MINAR2: variants seen among roughly 807,000 people sequenced by gnomAD.
MINAR2 encodes major intrinsically disordered NOTCH2-binding receptor 1-like.
MINAR2 carries 21 observed loss-of-function variants against 16.1 expected under a neutral mutation model. The ratio of observed to expected loss-of-function variants is 1.31; its 90% CI spans 0.93 to 1.88. The LOEUF (loss-of-function observed/expected upper bound fraction) is 1.88, where lower values mean the gene tolerates loss of function less well. Ranked by LOEUF, MINAR2 falls within the 40% of genes most tolerant of loss-of-function variation. The pLI, the probability that MINAR2 is intolerant of heterozygous loss-of-function variation, is 0.00. For synonymous variants in MINAR2, 86 were observed against 83.0 expected (o/e 1.04, Z -0.20); for missense variants, 259 against 229.8 (o/e 1.13, Z -0.82).
chr5:129,757,741 A>G (rs1349400079), intron 1 of MINAR2, among the ~76,000 whole-genome samples: 1 of 151,884 alleles, frequency 6.6e-6, no homozygotes, highest in African/African-American at 2.4e-5. Flanking sequence ...TGTGTGTTAA[A>G]CTTACTATAC....
At chr5:129,759,686 A>G (rs1369531209) in intron 1 of MINAR2, among the ~76,000 whole-genome samples, 1 of 152,088 alleles carries the variant, frequency 6.6e-6, no homozygotes, top group African/African-American at 2.4e-5. Flanking sequence ...TACTAATGTC[A>G]TATTTCTAGG....
At chr5:129,753,822 A>G (rs1158864834) in intron 1 of MINAR2, among the ~76,000 whole-genome samples, 1 of 147,790 alleles carries the variant, frequency 6.8e-6, no homozygotes, top group Non-Finnish European at 1.5e-5. Context: ...AGGAAGGAGA[A>G]GAAGAAAAAG....
intron 1 of MINAR2, among the ~76,000 whole-genome samples, chr5:129,758,225 T>G (rs1307468240): frequency 6.6e-6 from 1 of 152,046 alleles, no homozygotes; most frequent in Non-Finnish European, 1.5e-5. Flanking sequence ...AGTTTTCCTC[T>G]GGTAAATGTA....
chr5:129,749,997 T>G (rs1404251380), intron 1 of MINAR2, among the ~76,000 whole-genome samples: 1 of 152,216 alleles, frequency 6.6e-6, no homozygotes. Context: ...TTGATTTAGG[T>G]ATCCTTTTAG....
At chr5:129,748,514 C>T (rs1427327151) in intron 1 of MINAR2, among the ~76,000 whole-genome samples, 159 bp downstream of exon 1, 1 of 152,280 alleles carries the variant, frequency 6.6e-6, no homozygotes, top group African/African-American at 2.4e-5. Flanking sequence ...ACATTAGGAA[C>T]TTTTCTTTAA....
At chr5:129,753,057 C>T (rs538268524) in intron 1 of MINAR2, among the ~76,000 whole-genome samples, 3 of 152,184 alleles carry the variant, frequency 2.0e-5, no homozygotes, top group East Asian at 1.9e-4. Context: ...TCTTTTTTCC[C>T]ATAAATTTCA....
Position 129,764,792 on chromosome 5 carries a change from C to A in MINAR2, c.394-92C>A, listed in dbSNP as rs1758187324. 3 of 635,438 alleles carry A rather than the reference C, an allele frequency of 4.7e-6. No individual in the cohort carries two copies. The East Asian group carries it at 1.0e-4, about 21-fold the overall frequency. 39.4% of individuals were successfully genotyped at this position (635,438 alleles called of 1,614,324 possible). ...GACAGAGTGAATATGGACCATCAGT[C>A]CCCATGACAGTGTCTTGTTCTGCAA... On this transcript the variant is annotated intron_variant, in intron 2 of 2. Transcript: ENST00000564719.
At chr5:129,750,046 G>A (rs1039904228) in intron 1 of MINAR2, among the ~76,000 whole-genome samples, 11 of 152,178 alleles carry the variant, frequency 7.2e-5, no homozygotes, top group African/African-American at 2.7e-4. Flanking sequence ...GAAGGCCAGT[G>A]TACTAATTGG....
rs1037357918 is a variant in MINAR2, at chr5:129,766,677, A to G, written c.*1614A>G. 2 of 149,486 alleles carry G rather than the reference A, an allele frequency of 1.3e-5. No homozygotes were observed. The highest frequency in any genetic ancestry group is 3.9e-4 in the East Asian group (2 of 5,088). The allele number at this position is 149,486 out of a possible 1,614,324, so 9.3% of individuals were successfully genotyped here. A position where few individuals can be genotyped will look rare whatever the true frequency, so the allele number is the denominator to read the frequency against. On this transcript the variant is annotated 3_prime_UTR_variant, in exon 3 of 3. Coordinates refer to ENST00000564719, the MANE Select transcript of MINAR2 (RefSeq NM_001257308.2). ...AAAAACAAACAAACAAACAAAAAAA[A>G]CCCCAAAAAAAGAGACAGTTTTACT...
chr5:129,760,641 A>G, intron 2 of MINAR2, 36 bp downstream of exon 2: 1 of 1,402,072 alleles, frequency 7.1e-7, no homozygotes, highest in East Asian at 2.5e-5. Context: ...TTCAACTGAT[A>G]AGGGAGATCA....
At chr5:129,751,425 C>T (rs1386104745) in intron 1 of MINAR2, among the ~76,000 whole-genome samples, 6 of 151,920 alleles carry the variant, frequency 3.9e-5, no homozygotes, top group African/African-American at 1.5e-4. Flanking sequence ...ACCAGGCTGG[C>T]CTCGAACTCC....
At chr5:129,762,509 A>G (rs1030811862) in intron 2 of MINAR2, 3 of 299,590 alleles carry the variant, frequency 1.0e-5, no homozygotes, top group Non-Finnish European at 2.0e-5. Flanking sequence ...AGGCTTACCT[A>G]TGATACTCTT....
rs112950983 is a variant in MINAR2 at position 129,750,334 on chromosome 5, A to C, written c.165+1979A>C. On this transcript the variant is annotated intron_variant, in intron 1 of 2. Coordinates refer to ENST00000564719, the MANE Select transcript of MINAR2 (RefSeq NM_001257308.2). ...CCATGAAAGAAGACACTGAATATGC[A>C]GGTACACTGAGGTGTTGGGCACACA... 2.0e-3 allele frequency among the ~76,000 whole-genome samples: 301 copies of C among 152,356 alleles called. 1 individual carries two copies. The highest frequency in any genetic ancestry group is 6.2e-3 in the African/African-American group (257 of 41,590).
chr5:129,760,706 C>A, intron 2 of MINAR2, 101 bp downstream of exon 2: 1 of 840,232 alleles, frequency 1.2e-6, no homozygotes, highest in Non-Finnish European at 1.8e-6. Flanking sequence ...CTTCACTAGG[C>A]GCAGAATCTC....
rs1758214926 is a variant in MINAR2 at position 129,766,467 on chromosome 5, C to G, written c.*1404C>G. The stretch of plus-strand genomic sequence containing the variant: ...CCTGGCCAACATAGTGAAACCCCGT[C>G]TCTATTAAAAATACAAAAATTAGCC... On this transcript the variant is annotated 3_prime_UTR_variant, in exon 3 of 3. Transcript: ENST00000564719. The G allele has an allele frequency of 6.6e-6, 1 of 152,044 alleles. No homozygotes were observed. Among genetic ancestry groups the G allele is most frequent in the South Asian group, 2.1e-4 (1 of 4,826 alleles). 9.4% of individuals were successfully genotyped at this position (152,044 alleles called of 1,614,324 possible).
At position 129,765,276 on chromosome 5, in the gene MINAR2, G is replaced by C. The variant is rs1758196913; in HGVS notation, c.*213G>C. ...TTTGTTCTATAAAAGCTTTCTAAGA[G>C]TGCCACCCTGAACTTTGGGAAGCAG... On this transcript the variant is annotated 3_prime_UTR_variant, in exon 3 of 3. Transcript: ENST00000564719. 2.6e-6 allele frequency: 1 copy of C among 378,582 alleles called. No homozygotes were observed. The highest frequency in any genetic ancestry group is 4.7e-6 in the Non-Finnish European group (1 of 214,680). 23.5% of individuals were successfully genotyped at this position (378,582 alleles called of 1,614,324 possible).
rs553924057 is a variant in MINAR2, at chr5:129,748,760, C to T, written c.165+405C>T. ...GTTTACATTGTGGGCATAAACAAGC[C>T]TCTAAAACAGCTGGAGATCTTGCTT... On this transcript the variant is annotated intron_variant, in intron 1 of 2. Coordinates refer to ENST00000564719, the MANE Select transcript of MINAR2 (RefSeq NM_001257308.2). Among the ~76,000 whole-genome samples the T allele has an allele frequency of 3.3e-5, 5 of 152,252 alleles. No homozygotes were observed. The South Asian group carries it at 6.2e-4, about 19-fold the overall frequency.
intron 1 of MINAR2, among the ~76,000 whole-genome samples, chr5:129,752,487 C>T (rs187881912): frequency 2.8e-4 from 42 of 152,260 alleles, no homozygotes; most frequent in East Asian, 1.4e-3. Flanking sequence ...AAACCAAACA[C>T]GGCATGTTCT....
intron 2 of MINAR2, among the ~76,000 whole-genome samples, chr5:129,763,985 G>A (rs1758173369): frequency 6.6e-6 from 1 of 152,194 alleles, no homozygotes; most frequent in Non-Finnish European, 1.5e-5. Context: ...GCATGAAGTA[G>A]GTTTGTGAAA....
Sources: allele counts gnomAD v4.1 joint callset (sites outside exome capture counted in the v4.1 genomes callset), GRCh38; gene constraint gnomAD v4.1.1; transcripts MANE v1.5; gene names NCBI Gene and HGNC (gene_info 2026-07-23, HGNC 2026-07-21).